Variants in TRAPPC9 observed in about 807,000 individuals in gnomAD.
The protein encoded by TRAPPC9 is trafficking protein particle complex subunit 9, also known as IKK2 binding protein.
Under a neutral mutation model 124.0 loss-of-function variants are expected in TRAPPC9, and 83 were observed. The ratio of observed to expected loss-of-function variants is 0.67; its 90% CI spans 0.56 to 0.80. The LOEUF is 0.80. Among genes scored for constraint, TRAPPC9 ranks in the 30% least tolerant of loss-of-function variants. TRAPPC9 has a pLI of 0.00. For synonymous variants in TRAPPC9, 638 were observed against 617.5 expected (o/e 1.03, Z -0.49); for missense variants, 1,302 against 1,508.3 (o/e 0.86, Z 2.27).
intron 21 of TRAPPC9, among the ~76,000 whole-genome samples, chr8:139,752,719 A>G (rs1402987726): frequency 1.3e-5 from 2 of 150,898 alleles, no homozygotes; most frequent in East Asian, 4.0e-4. Flanking sequence ...CCATTCATAC[A>G]TCCATCCACT....
At chr8:140,073,903 A>C (rs373484749) in intron 17 of TRAPPC9, among the ~76,000 whole-genome samples, 6 of 152,270 alleles carry the variant, frequency 3.9e-5, no homozygotes, top group Admixed American at 2.6e-4. Context: ...CACCTATTGC[A>C]TCCCTGATAT....
chr8:140,261,974 C>T (rs1458745830), intron 15 of TRAPPC9, among the ~76,000 whole-genome samples: 2 of 152,216 alleles, frequency 1.3e-5, no homozygotes. Flanking sequence ...CATCTAAGCT[C>T]TATGGAGTAC....
rs746652633 is a variant in TRAPPC9 at position 140,063,626 on chromosome 8, C to G, written c.2557-39547G>C. On this transcript the variant is annotated intron_variant, in intron 17 of 22. Coordinates refer to ENST00000438773, the MANE Select transcript of TRAPPC9 (RefSeq NM_001160372.4). The surrounding 1 kb of genome is among the most constrained non-coding windows in gnomAD (Gnocchi z 4.3). ...AATCAGTAAAAACAGTACCTGAGTA[C>G]TAGTCACACTATAAGATTTAGTGCA... Among the ~76,000 whole-genome samples the G allele has an allele frequency of 3.3e-5, 5 of 152,174 alleles. No individual in the cohort carries two copies. Among genetic ancestry groups the G allele is most frequent in the Non-Finnish European group, 5.9e-5 (4 of 68,030 alleles).
At chr8:140,266,576 T>G (rs2064664873) in intron 15 of TRAPPC9, among the ~76,000 whole-genome samples, 1 of 151,938 alleles carries the variant, frequency 6.6e-6, no homozygotes. Flanking sequence ...CTCATCTCTG[T>G]GGCCGGGTGC....
chr8:140,084,059 G>A (rs890217569), intron 17 of TRAPPC9, among the ~76,000 whole-genome samples: 23 of 152,134 alleles, frequency 1.5e-4, no homozygotes, highest in African/African-American at 4.6e-4. Flanking sequence ...CATCATCCAA[G>A]TGACTGTTTT....
At chr8:139,793,119 A>T (rs1822814918) in intron 21 of TRAPPC9, among the ~76,000 whole-genome samples, 1 of 152,142 alleles carries the variant, frequency 6.6e-6, no homozygotes, top group Non-Finnish European at 1.5e-5. Context: ...TCTGCCACTT[A>T]CTAAGCTGCA....
intron 11 of TRAPPC9, among the ~76,000 whole-genome samples, chr8:140,294,233 C>G (rs1192599537): frequency 6.6e-6 from 1 of 152,122 alleles, no homozygotes; most frequent in East Asian, 1.9e-4. Context: ...CCCAGGCCCA[C>G]CAGCTTCTGA....
chr8:140,203,704 C>T (rs28361990), intron 17 of TRAPPC9, among the ~76,000 whole-genome samples: 1 of 152,158 alleles, frequency 6.6e-6, no homozygotes. Context: ...AGAGATCAAA[C>T]GAATTCTGCT....
intron 17 of TRAPPC9, among the ~76,000 whole-genome samples, chr8:140,133,180 A>T (rs2061236147): frequency 6.6e-6 from 1 of 152,222 alleles, no homozygotes; most frequent in Non-Finnish European, 1.5e-5. Context: ...TAGGAAGCCA[A>T]ACTGAACAGT....
intron 7 of TRAPPC9, among the ~76,000 whole-genome samples, chr8:140,390,570 C>T (rs920204754): frequency 1.3e-5 from 2 of 152,168 alleles, no homozygotes; most frequent in Admixed American, 6.5e-5. Context: ...AAACTCCAGC[C>T]TAAGGACTGG....
chr8:139,828,404 C>T (rs1487609043), intron 21 of TRAPPC9, among the ~76,000 whole-genome samples: 2 of 152,212 alleles, frequency 1.3e-5, no homozygotes, highest in African/African-American at 2.4e-5. Context: ...GGAAACCACA[C>T]TACATGTTTC....
intron 18 of TRAPPC9, among the ~76,000 whole-genome samples, chr8:140,011,501 CTTTTTTTTTTTT>C (rs916485762): frequency 2.6e-5 from 3 of 114,650 alleles, no homozygotes; most frequent in African/African-American, 1.3e-4. Flanking sequence ...AGAAGGCATA[CTTTTTTTTTTTT>C]TTTTTTTTTG....
chr8:139,948,435 T>C (rs1345113073), intron 19 of TRAPPC9, among the ~76,000 whole-genome samples: 1 of 152,176 alleles, frequency 6.6e-6, no homozygotes, highest in Non-Finnish European at 1.5e-5. Flanking sequence ...CAAATGCTGA[T>C]GCTCTAAGGC....
chr8:140,181,241 A>T (rs564203131), intron 17 of TRAPPC9, among the ~76,000 whole-genome samples: 10 of 152,136 alleles, frequency 6.6e-5, no homozygotes, highest in African/African-American at 2.4e-4. Flanking sequence ...GTTTACTTCA[A>T]CCACCATATA....
At chr8:140,282,650 G>A (rs574807745) in intron 14 of TRAPPC9, among the ~76,000 whole-genome samples, 12 of 152,060 alleles carry the variant, frequency 7.9e-5, no homozygotes, top group East Asian at 1.9e-4. Flanking sequence ...TTTATGATGC[G>A]CTTTGTTGAA....
At chr8:140,457,229 G>A (rs1258383907) in intron 1 of TRAPPC9, among the ~76,000 whole-genome samples, 1 of 152,114 alleles carries the variant, frequency 6.6e-6, no homozygotes, top group East Asian at 1.9e-4. Context: ...CAGGCCCAGG[G>A]GCGGGGGGCT....
intron 16 of TRAPPC9, among the ~76,000 whole-genome samples, chr8:140,237,475 T>A (rs1231960986): frequency 6.6e-6 from 1 of 151,634 alleles, no homozygotes; most frequent in East Asian, 2.0e-4. Context: ...TCTTTTGGGG[T>A]GCTTTGAAAA....
chr8:140,349,285 A>AG (rs1472647348), intron 9 of TRAPPC9, among the ~76,000 whole-genome samples: 1,476 of 81,854 alleles, frequency 0.018, 14 homozygotes, highest in Non-Finnish European at 0.026. Flanking sequence ...CGCACGAAGG[A>AG]AGGGCACACC....
At chr8:139,745,708 A>T (rs1818840795) in intron 21 of TRAPPC9, among the ~76,000 whole-genome samples, 1 of 152,228 alleles carries the variant, frequency 6.6e-6, no homozygotes, top group Admixed American at 6.5e-5. Context: ...ACAGAGCAGG[A>T]CAGGGAGGCA....
Sources: gnomAD v4.1 joint callset for allele counts (sites outside exome capture counted in the v4.1 genomes callset) on GRCh38, gnomAD v4.1.1 for gene constraint, Gnocchi (gnomAD v3.1) non-coding constraint, MANE v1.5 for transcripts, NCBI Gene and HGNC (gene_info 2026-07-23, HGNC 2026-07-21) for gene names.